HCN1: variants seen among roughly 807,000 people sequenced by gnomAD.
HCN1 encodes potassium/sodium hyperpolarization-activated cyclic nucleotide-gated channel 1.
Under a neutral mutation model 78.9 loss-of-function variants are expected in HCN1, and 13 were observed. The observed-to-expected ratio is 0.16, with a 90% CI of 0.11 to 0.26. The LOEUF (loss-of-function observed/expected upper bound fraction) is 0.26, where lower values mean the gene tolerates loss of function less well. Among genes scored for constraint, HCN1 ranks in the 10% least tolerant of loss-of-function variants. HCN1 has a pLI of 1.00. For missense variants in HCN1, 810 were observed against 1,154.3 expected, an observed-to-expected ratio of 0.70 and a Z score of 4.32; for synonymous variants, 552 against 455.5, an observed-to-expected ratio of 1.21 and a Z score of -2.70.
chr5:45,317,226 C>T (rs886370036), intron 5 of HCN1, among the ~76,000 whole-genome samples: 12 of 152,076 alleles, frequency 7.9e-5, no homozygotes, highest in African/African-American at 2.9e-4. Flanking sequence ...GAGATATAGA[C>T]CAATGGAACA....
intron 2 of HCN1, among the ~76,000 whole-genome samples, chr5:45,526,216 A>G (rs1742733885): frequency 6.6e-6 from 1 of 152,112 alleles, no homozygotes; most frequent in Admixed American, 6.6e-5. Flanking sequence ...AAAATAGCAG[A>G]TTCTAATTCC....
chr5:45,615,655 T>C (rs750434195), intron 2 of HCN1, among the ~76,000 whole-genome samples: 4 of 152,024 alleles, frequency 2.6e-5, no homozygotes, highest in Non-Finnish European at 4.4e-5. Context: ...TTTCTGAATA[T>C]ATCTAATTTA....
intron 1 of HCN1, among the ~76,000 whole-genome samples, chr5:45,655,897 G>A (rs141241577): frequency 6.5e-4 from 99 of 152,108 alleles, no homozygotes; most frequent in African/African-American, 2.2e-3. Context: ...AAAACACTTG[G>A]GAAGCAAGAG....
chr5:45,681,801 A>G (rs1441550858), intron 1 of HCN1, among the ~76,000 whole-genome samples: 1 of 152,174 alleles, frequency 6.6e-6, no homozygotes, highest in African/African-American at 2.4e-5. Flanking sequence ...AAAGGGATAC[A>G]TTCTCAACTT....
chr5:45,681,298 C>T (rs151178454), intron 1 of HCN1, among the ~76,000 whole-genome samples: 192 of 152,128 alleles, frequency 1.3e-3, no homozygotes, highest in African/African-American at 4.6e-3. Flanking sequence ...TGTAAAGTTG[C>T]CCATGATTTT....
chr5:45,674,484 C>T (rs1580042695), intron 1 of HCN1, among the ~76,000 whole-genome samples: 1 of 151,796 alleles, frequency 6.6e-6, no homozygotes, highest in African/African-American at 2.4e-5. Flanking sequence ...GTTATGAACT[C>T]TAACAAAGTT....
In HCN1 at chr5:45,696,105, G is replaced by T; in HGVS notation, c.-12C>A. The stretch of plus-strand genomic sequence containing the variant: ...CCGCCTCCTTCCATGCCCGGAGGAC[G>T]CGGCCGGCGACGGCGCGGGCTCCAG... On this transcript the variant is annotated 5_prime_UTR_variant, in exon 1 of 8. Coordinates refer to ENST00000303230, the MANE Select transcript of HCN1 (RefSeq NM_021072.4). 7.5e-7 allele frequency: 1 copy of T among 1,329,390 alleles called. No individual in the cohort carries two copies. Among genetic ancestry groups the T allele is most frequent in the South Asian group, 1.5e-5 (1 of 65,752 alleles). 82.3% of individuals were successfully genotyped at this position (1,329,390 alleles called of 1,614,324 possible). A position where few individuals can be genotyped will look rare whatever the true frequency, so the allele number is the denominator to read the frequency against.
intron 3 of HCN1, 121 bp downstream of exon 3, chr5:45,461,725 G>A (rs1266838585): frequency 1.3e-5 from 12 of 936,820 alleles, no homozygotes; most frequent in Non-Finnish European, 2.0e-5. Flanking sequence ...ATTCATAGAA[G>A]CAAAATCAAG....
intron 3 of HCN1, among the ~76,000 whole-genome samples, chr5:45,435,781 G>A (rs575468739): frequency 3.0e-4 from 45 of 151,964 alleles, no homozygotes; most frequent in African/African-American, 1.0e-3. Context: ...ATCAATTCCC[G>A]CAAATATACC....
At chr5:45,626,223 T>C (rs1745160612) in intron 2 of HCN1, among the ~76,000 whole-genome samples, 1 of 152,248 alleles carries the variant, frequency 6.6e-6, no homozygotes, top group Non-Finnish European at 1.5e-5. Flanking sequence ...TGAAAGACTA[T>C]TAATTTCAAT....
chr5:45,467,094 C>G lies in HCN1; in HGVS notation c.850-5087G>C, dbSNP rs75169292. ...GGATTCTTCTTTCCACTATTCCTTCCAAAATTCCTCCTACATAATCAATTA... is the reference window on the plus strand; with the variant it reads ...GGATTCTTCTTTCCACTATTCCTTCGAAAATTCCTCCTACATAATCAATTA... On this transcript the variant is annotated intron_variant, in intron 2 of 7. Transcript: ENST00000303230. Among the ~76,000 whole-genome samples the G allele has an allele frequency of 1.1e-4, 16 of 152,132 alleles. No homozygotes were observed. The East Asian group carries it at 3.1e-3, about 30-fold the overall frequency.
intron 6 of HCN1, among the ~76,000 whole-genome samples, chr5:45,283,935 T>G (rs1269072446): frequency 1.3e-5 from 2 of 152,124 alleles, no homozygotes; most frequent in Admixed American, 6.6e-5. Flanking sequence ...ATGCAGTATA[T>G]AGACATCATA....
chr5:45,422,381 A>C (rs1042904999), intron 3 of HCN1, among the ~76,000 whole-genome samples: 12 of 152,140 alleles, frequency 7.9e-5, no homozygotes, highest in Non-Finnish European at 1.6e-4. Context: ...TTTGTTGTAG[A>C]GGTGTCAGCT....
At chr5:45,481,380 G>A (rs542991289) in intron 2 of HCN1, among the ~76,000 whole-genome samples, 10 of 152,136 alleles carry the variant, frequency 6.6e-5, no homozygotes, top group Non-Finnish European at 1.5e-5. Flanking sequence ...CATTATATAT[G>A]GCTCCTTTGC....
At chr5:45,646,629 A>C (rs1248036320) in intron 1 of HCN1, among the ~76,000 whole-genome samples, 2 of 152,200 alleles carry the variant, frequency 1.3e-5, no homozygotes, top group African/African-American at 4.8e-5. Context: ...CTTACATTAA[A>C]ATTGAGAGAA....
At chr5:45,607,581 A>T (rs369834392) in intron 2 of HCN1, among the ~76,000 whole-genome samples, 10 of 129,084 alleles carry the variant, frequency 7.7e-5, no homozygotes, top group African/African-American at 2.0e-4. Context: ...CAATATCATT[A>T]TATATATATA....
rs71831325 is a variant in HCN1, at chr5:45,686,124, T to TA, written c.425+9544_425+9545insT. Among the ~76,000 whole-genome samples the TA allele has an allele frequency of 3.7e-3, 460 of 125,812 alleles. 4 individuals carry two copies. The highest frequency in any genetic ancestry group is 0.013 in the African/African-American group (389 of 29,232). 82.5% of individuals were successfully genotyped at this position (125,812 alleles called of 152,430 possible). A position where few individuals can be genotyped will look rare whatever the true frequency, so the allele number is the denominator to read the frequency against. Reference sequence around the variant, plus strand: ...CCCATGAATTTTACATATATATATATTTTTTTCTATTATAATTGAGAAAAT... The same window carrying TA: ...CCCATGAATTTTACATATATATATATATTTTTTCTATTATAATTGAGAAAAT... On this transcript the variant is annotated intron_variant, in intron 1 of 7. Transcript: ENST00000303230.
intron 6 of HCN1, among the ~76,000 whole-genome samples, chr5:45,281,883 C>A (rs532459672): frequency 6.6e-6 from 1 of 151,850 alleles, no homozygotes; most frequent in African/African-American, 2.4e-5. Flanking sequence ...AGCCACTGAG[C>A]CCTGCCAAGA....
At chr5:45,638,910 T>G (rs1472181833) in intron 2 of HCN1, among the ~76,000 whole-genome samples, 1 of 152,086 alleles carries the variant, frequency 6.6e-6, no homozygotes, top group Non-Finnish European at 1.5e-5. Flanking sequence ...ACTTAACATC[T>G]CATTTCCAAA....
Sources: allele counts gnomAD v4.1 joint callset (sites outside exome capture counted in the v4.1 genomes callset), GRCh38; gene constraint gnomAD v4.1.1; transcripts MANE v1.5; gene names NCBI Gene and HGNC (gene_info 2026-07-23, HGNC 2026-07-21).